Variants in XYLB observed in about 807,000 individuals in gnomAD.
The protein encoded by XYLB is xylulose kinase.
Under a neutral mutation model 78.7 loss-of-function variants are expected in XYLB, and 62 were observed. The observed-to-expected ratio is 0.79, with a 90% CI of 0.64 to 0.97. The LOEUF is 0.97. Ranked by LOEUF, XYLB falls within the 50% of genes least tolerant of loss-of-function variation. The pLI, the probability that XYLB is intolerant of heterozygous loss-of-function variation, is 0.00. For missense variants in XYLB, 687 were observed against 676.8 expected (o/e 1.02, Z -0.17); for synonymous variants, 245 against 247.4 (o/e 0.99, Z 0.09).
At chr3:38,349,889 A>T (rs1398763157) in intron 2 of XYLB, among the ~76,000 whole-genome samples, 1 of 152,166 alleles carries the variant, frequency 6.6e-6, no homozygotes, top group Admixed American at 6.5e-5. Context: ...TAATCTTCTT[A>T]TAAGGACATG....
At chr3:38,452,089 C>G in the XYLB span, 1 of 152,206 alleles carries the variant, frequency 6.6e-6, no homozygotes, top group Non-Finnish European at 1.5e-5. Context: ...GGAATTACTT[C>G]CGTTATCACA....
chr3:38,390,282 C>T (rs1340514278), intron 15 of XYLB, among the ~76,000 whole-genome samples: 3 of 152,124 alleles, frequency 2.0e-5, no homozygotes, highest in African/African-American at 2.4e-5. Context: ...GGTGCATTCT[C>T]GGCTCACTGC....
At chr3:38,372,077 G>A (rs750425599) in intron 9 of XYLB, among the ~76,000 whole-genome samples, 2 of 152,202 alleles carry the variant, frequency 1.3e-5, no homozygotes, top group Non-Finnish European at 2.9e-5. Flanking sequence ...CATTTGTCAC[G>A]TAGGTGTCAC....
At chr3:38,353,881 C>T (rs550759315) in intron 2 of XYLB, among the ~76,000 whole-genome samples, 149 of 32,562 alleles carry the variant, frequency 4.6e-3, no homozygotes, top group Middle Eastern at 0.013. Flanking sequence ...AGTGAGACTC[C>T]ATATAAAAAA....
the XYLB span, among the ~76,000 whole-genome samples, chr3:38,447,549 A>G: frequency 6.7e-6 from 1 of 149,380 alleles, no homozygotes. Flanking sequence ...AAACTCCTGA[A>G]CTCCAGCAAT....
Position 38,365,210 on chromosome 3 carries a change from T to C in XYLB, c.303T>C (p.Ser101=). 6.2e-7 allele frequency: 1 copy of C among 1,614,126 alleles called. No homozygotes were observed. The highest frequency in any genetic ancestry group is 8.5e-7 in the Non-Finnish European group (1 of 1,180,008). The stretch of plus-strand genomic sequence containing the variant: ...GGGTTTCCCAACAGCAACACGGAAG[T>C]ATATACTGGAAGGCTGGAGCCCAGC... ...ALSGAGQQHG[S]IYWKAGAQQA... The change falls in exon 5 of 19, where the codon AGT becomes AGC. Residue 101 remains serine (S), a synonymous_variant. Transcript: ENST00000207870.
intron 15 of XYLB, among the ~76,000 whole-genome samples, chr3:38,386,731 C>T (rs1306257414): frequency 1.3e-5 from 2 of 152,108 alleles, no homozygotes; most frequent in Admixed American, 6.5e-5. Flanking sequence ...GCTTGCACTA[C>T]AAGAATGACT....
intron 2 of XYLB, among the ~76,000 whole-genome samples, chr3:38,353,299 G>A (rs111846565): frequency 0.032 from 4,852 of 152,130 alleles, 114 homozygotes; most frequent in African/African-American, 0.062. Flanking sequence ...CACCAACCAT[G>A]TTTTTATTTA....
intron 18 of XYLB, among the ~76,000 whole-genome samples, chr3:38,408,844 T>G (rs1283118426): frequency 1.3e-5 from 2 of 152,178 alleles, no homozygotes; most frequent in Non-Finnish European, 2.9e-5. Context: ...AGGAAGAAGT[T>G]GAATCTCTGA....
chr3:38,430,269 C>T, the XYLB span, among the ~76,000 whole-genome samples: 4 of 152,224 alleles, frequency 2.6e-5, no homozygotes, highest in Non-Finnish European at 5.9e-5. Flanking sequence ...GAGACAGTAT[C>T]TCACTGTGGT....
intron 3 of XYLB, among the ~76,000 whole-genome samples, chr3:38,361,554 G>T (rs972189149): frequency 1.3e-5 from 2 of 152,226 alleles, no homozygotes; most frequent in Non-Finnish European, 2.9e-5. Context: ...AGACCAAGGG[G>T]CAGAGTGGGA....
At chr3:38,361,714 C>G (rs1705983944) in intron 3 of XYLB, among the ~76,000 whole-genome samples, 1 of 152,180 alleles carries the variant, frequency 6.6e-6, no homozygotes, top group Non-Finnish European at 1.5e-5. Flanking sequence ...TGATCTGACG[C>G]AGCCTCCAGG....
Position 38,346,933 on chromosome 3 carries a change from C to T in XYLB, c.57+8C>T, listed in dbSNP as rs1483584238. On this transcript the variant is annotated splice_region_variant and intron_variant, in intron 1 of 18. Transcript: ENST00000207870. The stretch of plus-strand genomic sequence containing the variant: ...GACTTCAGCACGCAGCAGGTACAGT[C>T]GCCTGGCCGCAGGGCCACGGGGCCG... 8.8e-6 allele frequency: 13 copies of T among 1,472,192 alleles called. No individual in the cohort carries two copies. The highest frequency in any genetic ancestry group is 1.1e-5 in the Non-Finnish European group (12 of 1,109,352). 91.2% of individuals were successfully genotyped at this position (1,472,192 alleles called of 1,614,324 possible).
In XYLB at chr3:38,395,781, C is replaced by G. The variant is rs184176639; in HGVS notation, c.1350+218C>G. Among the ~76,000 whole-genome samples the G allele has an allele frequency of 3.8e-3, 579 of 152,322 alleles. 6 individuals are homozygous for G. Among genetic ancestry groups the G allele is most frequent in the Admixed American group, 0.026 (393 of 15,298 alleles). ...GAATTCTATGGCTGTGTACAATCCA[C>G]TCTCTGATACCAGCACTGTCCTCTG... On this transcript the variant is annotated intron_variant, in intron 16 of 18. Transcript: ENST00000207870.
intron 3 of XYLB, 70 bp from the exon 4 acceptor site, chr3:38,362,867 C>T: frequency 7.4e-7 from 1 of 1,346,762 alleles, no homozygotes; most frequent in Non-Finnish European, 9.8e-7. Context: ...ACTTGCGTTT[C>T]AATTCTGAGG....
Position 38,414,091 on chromosome 3 carries a change from G to C in XYLB, c.*1078G>C, listed in dbSNP as rs1305094354. ...GAAAGTCCTCTGTGATCTGACTCCT[G>C]CAGACTCTTCCAGATTTTTCTGCCC... On this transcript the variant is annotated 3_prime_UTR_variant, in exon 19 of 19. Transcript: ENST00000207870. 6.6e-6 allele frequency: 1 copy of C among 152,108 alleles called. No individual in the cohort carries two copies. Among genetic ancestry groups the C allele is most frequent in the Non-Finnish European group, 1.5e-5 (1 of 68,038 alleles). The allele number at this position is 152,108 out of a possible 1,614,324, so 9.4% of individuals were successfully genotyped here.
the XYLB span, among the ~76,000 whole-genome samples, chr3:38,447,817 A>G: frequency 2.6e-5 from 4 of 152,214 alleles, no homozygotes; most frequent in Non-Finnish European, 5.9e-5. Flanking sequence ...TTATTGCACT[A>G]TTCTTAAAAG....
the XYLB span, among the ~76,000 whole-genome samples, chr3:38,437,229 T>C: frequency 6.6e-6 from 1 of 152,024 alleles, no homozygotes; most frequent in African/African-American, 2.4e-5. Context: ...CCCTTCATGA[T>C]AGTCTCAAGA....
the XYLB span, among the ~76,000 whole-genome samples, chr3:38,446,108 G>C: frequency 6.6e-6 from 1 of 152,188 alleles, no homozygotes; most frequent in Non-Finnish European, 1.5e-5. Context: ...CATGGAAGGA[G>C]ACCCAAGTGG....
Sources: allele counts gnomAD v4.1 joint callset (sites outside exome capture counted in the v4.1 genomes callset), GRCh38; gene constraint gnomAD v4.1.1; transcripts MANE v1.5; gene names NCBI Gene and HGNC (gene_info 2026-07-23, HGNC 2026-07-21).